The following RAB18 variants were observed in gnomAD, a reference collection of about 807,000 sequenced individuals.
RAB18 encodes ras-related protein Rab-18.
In RAB18, 10 loss-of-function variants were observed where a neutral mutation model predicts 28.5. The ratio of observed to expected loss-of-function variants is 0.35; its 90% CI spans 0.22 to 0.60. RAB18 has a LOEUF of 0.60. Among genes scored for constraint, RAB18 ranks in the 20% least tolerant of loss-of-function variants. The probability of loss-of-function intolerance (pLI) is 0.78; values close to 1 mark genes in which losing one functional copy is unlikely to be tolerated. For synonymous variants in RAB18, 93 were observed against 86.9 expected, an observed-to-expected ratio of 1.07 and a Z score of -0.39; for missense variants, 188 against 244.2, an observed-to-expected ratio of 0.77 and a Z score of 1.53.
chr10:27,509,422 T>C (rs1477611993), intron 1 of RAB18, among the ~76,000 whole-genome samples: 2 of 152,234 alleles, frequency 1.3e-5, no homozygotes, highest in Non-Finnish European at 2.9e-5. Flanking sequence ...GGCTTTGATA[T>C]ATTTCTGGTT....
chr10:27,523,265 C>CTTTTTTTTTTTTTTT (rs34006982), intron 2 of RAB18, among the ~76,000 whole-genome samples: 3 of 79,522 alleles, frequency 3.8e-5, no homozygotes, highest in Non-Finnish European at 7.1e-5. Flanking sequence ...TTTTCTTCTT[C>CTTTTTTTTTTTTTTT]TTTTTTTTTT....
chr10:27,533,682 G>T (rs1191886851), intron 4 of RAB18, 53 bp from the exon 5 acceptor site: 2 of 1,569,350 alleles, frequency 1.3e-6, no homozygotes, highest in South Asian at 2.2e-5. Context: ...TCAGAAATAC[G>T]CCATTGCTTC....
intron 3 of RAB18, among the ~76,000 whole-genome samples, chr10:27,528,488 T>G (rs1834724751): frequency 6.6e-6 from 1 of 152,140 alleles, no homozygotes; most frequent in Non-Finnish European, 1.5e-5. Flanking sequence ...CATACCAGTA[T>G]GTGAGTTTTC....
In RAB18 at chr10:27,515,880, T is replaced by C. The variant is rs540322427; in HGVS notation, c.124+5950T>C. Among the ~76,000 whole-genome samples, 197 of 152,330 alleles carry C rather than the reference T, an allele frequency of 1.3e-3. 3 individuals carry two copies. Among genetic ancestry groups the C allele is most frequent in the Middle Eastern group, 3.4e-3 (1 of 294 alleles). ...TTCAAGTTTTCTATTCTTAGAATAG[T>C]CTTGGGAGTGTAACTTGGAAAGTAT... is the stretch of plus-strand genomic sequence containing the variant. On this transcript the variant is annotated intron_variant, in intron 2 of 6. Coordinates refer to ENST00000356940, the MANE Select transcript of RAB18 (RefSeq NM_021252.5).
At chr10:27,523,850 C>G (rs12356824) in intron 2 of RAB18, among the ~76,000 whole-genome samples, 64,811 of 151,622 alleles carry the variant, frequency 0.43, 14,481 homozygotes, top group Non-Finnish European at 0.5. Flanking sequence ...GAGGCCGAGG[C>G]GGGCGGATCA....
rs772803991 is a variant in RAB18 at position 27,541,213 on chromosome 10, C to A, written c.*3162C>A. The A allele has an allele frequency of 4.4e-6, 2 of 453,990 alleles. No homozygotes were observed. The highest frequency in any genetic ancestry group is 3.1e-5 in the South Asian group (2 of 64,462). 28.1% of individuals were successfully genotyped at this position (453,990 alleles called of 1,614,324 possible). On this transcript the variant is annotated 3_prime_UTR_variant, in exon 7 of 7. Transcript: ENST00000356940. ...AGAAGACATTGTTCTGACTCCGACC[C>A]TGCCGTGTATACTCAACTATATAGA...
chr10:27,525,066 T>C (rs1001702822), intron 2 of RAB18, among the ~76,000 whole-genome samples: 21 of 152,206 alleles, frequency 1.4e-4, no homozygotes, highest in African/African-American at 4.8e-4. Context: ...ATTATTCTTA[T>C]GTCAGAGACA....
intron 2 of RAB18, among the ~76,000 whole-genome samples, chr10:27,512,389 C>T (rs542373257): frequency 8.5e-5 from 13 of 152,088 alleles, no homozygotes; most frequent in Non-Finnish European, 1.3e-4. Flanking sequence ...TCACTGCAGC[C>T]TCCACCTCCC....
chr10:27,518,580 CTGTT>C (rs1268002384), intron 2 of RAB18, among the ~76,000 whole-genome samples: 1 of 151,808 alleles, frequency 6.6e-6, no homozygotes, highest in African/African-American at 2.4e-5. Context: ...TTTGCAGTGT[CTGTT>C]CAAGTCTTTC....
chr10:27,504,752 C>T (rs571823225), intron 1 of RAB18: 23 of 607,748 alleles, frequency 3.8e-5, no homozygotes, highest in African/African-American at 2.6e-4. Context: ...CAGGGCGTGG[C>T]GGGCTGGTTT....
In RAB18 at chr10:27,536,582, G is replaced by A. The variant is rs140716516; in HGVS notation, c.446-1294G>A. 1.0e-3 allele frequency among the ~76,000 whole-genome samples: 157 copies of A among 152,154 alleles called. 1 individual carries two copies. The highest frequency in any genetic ancestry group is 3.7e-3 in the African/African-American group (154 of 41,520). ...GAAAATGGCAGAAGATTGAACCCTG[G>A]GGGATTCCAGCAATTAGAGGTCAGC... On this transcript the variant is annotated intron_variant, in intron 6 of 6. Coordinates refer to ENST00000356940, the MANE Select transcript of RAB18 (RefSeq NM_021252.5).
intron 2 of RAB18, among the ~76,000 whole-genome samples, chr10:27,515,419 C>T (rs1423723056): frequency 6.6e-6 from 1 of 152,120 alleles, no homozygotes; most frequent in South Asian, 2.1e-4. Flanking sequence ...TTTTCTACTT[C>T]AGACTGGGTC....
In RAB18 at chr10:27,518,755, C is replaced by T. The variant is rs866461366; in HGVS notation, c.125-8073C>T. 1.6e-4 allele frequency among the ~76,000 whole-genome samples: 25 copies of T among 152,152 alleles called. 1 individual carries two copies. Among genetic ancestry groups the T allele is most frequent in the Middle Eastern group, 6.8e-3 (2 of 294 alleles). ...TCGTGTAAAAGTATATTTCTAACAGCATATGTTTTTTATTTTGATGAAATC... is the reference window on the plus strand; with the variant it reads ...TCGTGTAAAAGTATATTTCTAACAGTATATGTTTTTTATTTTGATGAAATC... On this transcript the variant is annotated intron_variant, in intron 2 of 6. Coordinates refer to ENST00000356940, the MANE Select transcript of RAB18 (RefSeq NM_021252.5).
rs1834995073 is a variant in RAB18, at chr10:27,540,268, T to C, written c.*2217T>C. On this transcript the variant is annotated 3_prime_UTR_variant, in exon 7 of 7. Coordinates refer to ENST00000356940, the MANE Select transcript of RAB18 (RefSeq NM_021252.5). Reference sequence around the variant, plus strand: ...CCTTAAGAGATTAGTACTCCTATTATGCCCATTTTAAAGGTGAGGACAACA... The same window carrying C: ...CCTTAAGAGATTAGTACTCCTATTACGCCCATTTTAAAGGTGAGGACAACA... 2.2e-6 allele frequency: 1 copy of C among 453,958 alleles called. No homozygotes were observed. The highest frequency in any genetic ancestry group is 2.0e-5 in the African/African-American group (1 of 50,008). The allele number at this position is 453,958 out of a possible 1,614,324, so 28.1% of individuals were successfully genotyped here. A position where few individuals can be genotyped will look rare whatever the true frequency, so the allele number is the denominator to read the frequency against.
intron 3 of RAB18, chr10:27,531,422 T>A (rs1834785483): frequency 2.2e-5 from 31 of 1,423,494 alleles, no homozygotes; most frequent in Admixed American, 1.4e-4. Flanking sequence ...AACATTTTTA[T>A]ATCTGGGGGA....
chr10:27,528,284 T>C (rs1271545059), intron 3 of RAB18: 1 of 493,514 alleles, frequency 2.0e-6, no homozygotes, highest in Admixed American at 2.1e-5. Context: ...GAGACATTTT[T>C]ACCATAGGCC....
Position 27,538,814 on chromosome 10 carries a change from A to T in RAB18, c.*763A>T, listed in dbSNP as rs1220045255. 3 of 453,962 alleles carry T rather than the reference A, an allele frequency of 6.6e-6. No homozygotes were observed. The highest frequency in any genetic ancestry group is 1.3e-5 in the Non-Finnish European group (3 of 226,770). The allele number at this position is 453,962 out of a possible 1,614,324, so 28.1% of individuals were successfully genotyped here. On this transcript the variant is annotated 3_prime_UTR_variant, in exon 7 of 7. Transcript: ENST00000356940. The stretch of plus-strand genomic sequence containing the variant: ...CCCATTTTGGTTTCAGGAGGACATG[A>T]ATAGTGTGTTTATTGTAACTCCTCA...
At chr10:27,518,251 C>G (rs1234527443) in intron 2 of RAB18, among the ~76,000 whole-genome samples, 1 of 152,080 alleles carries the variant, frequency 6.6e-6, no homozygotes, top group East Asian at 1.9e-4. Flanking sequence ...AGAATACATA[C>G]CCAGTAATGG....
chr10:27,519,982 G>A (rs750965873), intron 2 of RAB18, among the ~76,000 whole-genome samples: 2 of 152,118 alleles, frequency 1.3e-5, no homozygotes, highest in Non-Finnish European at 2.9e-5. Flanking sequence ...AGTTTGTTGA[G>A]TGTTTTATCA....
Sources: gnomAD v4.1 joint callset for allele counts (sites outside exome capture counted in the v4.1 genomes callset) on GRCh38, gnomAD v4.1.1 for gene constraint, MANE v1.5 for transcripts, NCBI Gene and HGNC (gene_info 2026-07-23, HGNC 2026-07-21) for gene names.